CRCP: variants seen among roughly 807,000 people sequenced by gnomAD.
CRCP encodes the protein CGRP receptor component, also known as DNA-directed RNA polymerase III subunit RPC9.
A neutral mutation model predicts 18.5 loss-of-function variants in CRCP; 18 were observed. The ratio of observed to expected loss-of-function variants is 0.97; its 90% CI spans 0.67 to 1.44. The LOEUF (loss-of-function observed/expected upper bound fraction) is 1.44, where lower values mean the gene tolerates loss of function less well. Ranked by LOEUF, CRCP falls within the 40% of genes most tolerant of loss-of-function variation. The probability of loss-of-function intolerance (pLI) is 0.00; values close to 1 mark genes in which losing one functional copy is unlikely to be tolerated. For synonymous variants in CRCP, 53 were observed against 62.9 expected (o/e 0.84, Z 0.75); for missense variants, 130 against 176.4 (o/e 0.74, Z 1.49).
At chr7:66,117,069 CA>C (rs1787288403) in intron 1 of CRCP, among the ~76,000 whole-genome samples, 1 of 143,818 alleles carries the variant, frequency 7.0e-6, no homozygotes. Flanking sequence ...TGCAGTGAAC[CA>C]AATTGTGCCA....
intron 4 of CRCP, 104 bp downstream of exon 4, chr7:66,134,478 G>T: frequency 1.2e-6 from 1 of 822,014 alleles, no homozygotes. Flanking sequence ...TGGATTTAAA[G>T]AAGGATTATA....
At chr7:66,143,336 T>C (rs1177983435) in intron 4 of CRCP, among the ~76,000 whole-genome samples, 2 of 152,180 alleles carry the variant, frequency 1.3e-5, no homozygotes, top group Non-Finnish European at 2.9e-5. Flanking sequence ...TCTCCTATAT[T>C]GACCAAGTCA....
At chr7:66,128,076 C>G (rs532619095) in intron 2 of CRCP, among the ~76,000 whole-genome samples, 123 of 146,578 alleles carry the variant, frequency 8.4e-4, no homozygotes, top group South Asian at 1.5e-3. Context: ...AGATGTGCCA[C>G]TGCACTCCAG....
chr7:66,130,696 A>G (rs772489072), intron 2 of CRCP, 48 bp from the exon 3 acceptor site: 148 of 1,129,148 alleles, frequency 1.3e-4, no homozygotes, highest in Non-Finnish European at 1.8e-4. Context: ...TTGGATAGAT[A>G]TATTTCTCAA....
At chr7:66,136,595 C>A (rs1326618053) in intron 4 of CRCP, among the ~76,000 whole-genome samples, 1 of 151,148 alleles carries the variant, frequency 6.6e-6, no homozygotes, top group African/African-American at 2.4e-5. Context: ...AACTCCTGAC[C>A]TCAGGTGATC....
At chr7:66,125,877 T>C (rs1787604949) in intron 1 of CRCP, among the ~76,000 whole-genome samples, 2 of 149,246 alleles carry the variant, frequency 1.3e-5, no homozygotes, top group African/African-American at 4.8e-5. Context: ...CCTCATATTT[T>C]GGAGAGCACA....
intron 5 of CRCP, among the ~76,000 whole-genome samples, chr7:66,151,330 G>T (rs1788450426): frequency 6.6e-6 from 1 of 151,838 alleles, no homozygotes; most frequent in Non-Finnish European, 1.5e-5. Context: ...AGCACTTTGG[G>T]AGGCCAAGGT....
intron 4 of CRCP, among the ~76,000 whole-genome samples, chr7:66,141,649 G>T (rs1338770506): frequency 6.6e-6 from 1 of 152,200 alleles, no homozygotes; most frequent in Middle Eastern, 3.2e-3. Context: ...AGGGCAGGCA[G>T]TTTTAAGGAG....
At chr7:66,143,459 C>G (rs62465475) in intron 4 of CRCP, among the ~76,000 whole-genome samples, 1 of 152,162 alleles carries the variant, frequency 6.6e-6, no homozygotes, top group Admixed American at 6.6e-5. Context: ...TTTCTTTCCT[C>G]TGGGCACGTC....
chr7:66,146,120 A>G (rs763610305), intron 5 of CRCP, among the ~76,000 whole-genome samples: 14 of 151,998 alleles, frequency 9.2e-5, no homozygotes, highest in Non-Finnish European at 1.9e-4. Context: ...TCCTCTCCCC[A>G]TTCTCCCTGG....
At chr7:66,129,874 C>T (rs913823568) in intron 2 of CRCP, among the ~76,000 whole-genome samples, 2 of 152,034 alleles carry the variant, frequency 1.3e-5, no homozygotes, top group Admixed American at 6.6e-5. Flanking sequence ...TTCTTCACTT[C>T]TGTGGTAGAA....
chr7:66,114,915 G>A lies in CRCP; in HGVS notation c.-48G>A. 6.2e-7 allele frequency: 1 copy of A among 1,611,446 alleles called. No homozygotes were observed. The highest frequency in any genetic ancestry group is 1.1e-5 in the South Asian group (1 of 90,968). On this transcript the variant is annotated 5_prime_UTR_variant, in exon 1 of 6. In the 5' UTR this introduces an upstream ATG that the reference lacks. Transcript: ENST00000395326. ...GTGGCGGCGGAGACAGCTGTGAAGT[G>A]TGAGGTTCTTTGTCTGCTGGCAGCT...
At chr7:66,144,874 G>A (rs574234464) in intron 4 of CRCP, among the ~76,000 whole-genome samples, 5 of 152,282 alleles carry the variant, frequency 3.3e-5, no homozygotes, top group African/African-American at 1.2e-4. Context: ...CCTGGGCCGG[G>A]CACGGTGGCT....
At chr7:66,126,200 G>A (rs1787612415) in intron 1 of CRCP, among the ~76,000 whole-genome samples, 1 of 149,166 alleles carries the variant, frequency 6.7e-6, no homozygotes, top group Non-Finnish European at 1.5e-5. Flanking sequence ...CTGTGCTGAT[G>A]ACCTAAGGCC....
intron 4 of CRCP, among the ~76,000 whole-genome samples, chr7:66,140,638 G>T (rs888614476): frequency 6.6e-6 from 1 of 151,998 alleles, no homozygotes; most frequent in African/African-American, 2.4e-5. Context: ...GTGATTCGCC[G>T]CCTCAGCCTC....
At chr7:66,147,795 G>A (rs1013175962) in intron 5 of CRCP, among the ~76,000 whole-genome samples, 1 of 152,080 alleles carries the variant, frequency 6.6e-6, no homozygotes, top group African/African-American at 2.4e-5. Flanking sequence ...ATGGTGGCTT[G>A]CGCCTGTGAT....
At chr7:66,125,571 A>G (rs1787595682) in intron 1 of CRCP, among the ~76,000 whole-genome samples, 5 of 149,376 alleles carry the variant, frequency 3.3e-5, no homozygotes, top group Admixed American at 1.3e-4. Context: ...CCCAAAACAC[A>G]GATTCATTAA....
At chr7:66,131,510 G>A (rs1287059457) in intron 3 of CRCP, among the ~76,000 whole-genome samples, 2 of 151,896 alleles carry the variant, frequency 1.3e-5, no homozygotes, top group African/African-American at 4.8e-5. Flanking sequence ...ATTTTTTGTT[G>A]TTGTTGTCCA....
At chr7:66,132,570 C>T (rs1027319547) in intron 3 of CRCP, among the ~76,000 whole-genome samples, 4 of 152,098 alleles carry the variant, frequency 2.6e-5, no homozygotes, top group African/African-American at 9.7e-5. Flanking sequence ...AAGATGGTAT[C>T]TGCCTGGTTT....
Sources: gnomAD v4.1 joint callset for allele counts (sites outside exome capture counted in the v4.1 genomes callset) on GRCh38, gnomAD v4.1.1 for gene constraint, MANE v1.5 for transcripts, NCBI Gene and HGNC (gene_info 2026-07-23, HGNC 2026-07-21) for gene names.